Variants in DNER observed in about 807,000 individuals in gnomAD.
DNER encodes the protein delta/notch like EGF repeat containing.
In DNER, 33 loss-of-function variants were observed where a neutral mutation model predicts 78.2. The ratio of observed to expected loss-of-function variants is 0.42; its 90% CI spans 0.32 to 0.56. The LOEUF is 0.56. Among genes scored for constraint, DNER ranks in the 20% least tolerant of loss-of-function variants. The probability of loss-of-function intolerance (pLI) is 0.11; values close to 1 mark genes in which losing one functional copy is unlikely to be tolerated. For synonymous variants in DNER, 417 were observed against 384.8 expected (o/e 1.08, Z -0.98); for missense variants, 918 against 975.3 (o/e 0.94, Z 0.78).
At chr2:229,518,863 A>G (rs1008039194) in intron 5 of DNER, among the ~76,000 whole-genome samples, 1 of 152,114 alleles carries the variant, frequency 6.6e-6, no homozygotes, top group Non-Finnish European at 1.5e-5. Context: ...ACTCTTACCC[A>G]AGAAAATTCA....
chr2:229,396,054 A>G (rs1323059335), intron 10 of DNER, among the ~76,000 whole-genome samples: 1 of 152,178 alleles, frequency 6.6e-6, no homozygotes, highest in African/African-American at 2.4e-5. Flanking sequence ...TTCACCTAAG[A>G]GTCATGTCTT....
chr2:229,388,923 C>G (rs1692959467), intron 10 of DNER, among the ~76,000 whole-genome samples: 1 of 152,036 alleles, frequency 6.6e-6, no homozygotes. Context: ...GGACATTTGA[C>G]TCTTCTCTGG....
Position 229,447,347 on chromosome 2 carries a change from C to G in DNER, c.1455G>C (p.Val485=), listed in dbSNP as rs773330572. 6.2e-7 allele frequency: 1 copy of G among 1,608,114 alleles called. No homozygotes were observed. The highest frequency in any genetic ancestry group is 2.2e-5 in the East Asian group (1 of 44,678). ...SPCAHGTCRS[V]GTSYKCLCDP... ...CACAGAGGCATTTGTAGCTGGTGCC[C>G]ACGCTGCGGCACGTGCCATGAGCAC... Residue 485 remains valine, a synonymous_variant, in exon 8 of 13, where the codon GTG becomes GTC. Transcript: ENST00000341772.
intron 8 of DNER, among the ~76,000 whole-genome samples, chr2:229,421,335 C>T (rs572653974): frequency 6.6e-6 from 1 of 152,036 alleles, no homozygotes; most frequent in Admixed American, 6.6e-5. Flanking sequence ...GAATAAGTTC[C>T]AGATATCTGC....
chr2:229,679,127 G>C (rs112267006), intron 1 of DNER, among the ~76,000 whole-genome samples: 2,414 of 152,238 alleles, frequency 0.016, 54 homozygotes, highest in Middle Eastern at 0.058. Flanking sequence ...ACACACCAGG[G>C]ACTAGGACCA....
chr2:229,482,750 T>A (rs965732773), intron 6 of DNER, among the ~76,000 whole-genome samples: 14 of 151,806 alleles, frequency 9.2e-5, no homozygotes, highest in African/African-American at 3.4e-4. Flanking sequence ...CTTTTGGGAG[T>A]GGAAAGGAGA....
At chr2:229,437,339 G>A (rs1694143296) in intron 8 of DNER, among the ~76,000 whole-genome samples, 1 of 152,232 alleles carries the variant, frequency 6.6e-6, no homozygotes, top group Non-Finnish European at 1.5e-5. Context: ...AACTGAAGCT[G>A]TTCTGTAAAA....
chr2:229,464,292 T>A (rs927202415), intron 7 of DNER, among the ~76,000 whole-genome samples: 1 of 152,204 alleles, frequency 6.6e-6, no homozygotes, highest in African/African-American at 2.4e-5. Context: ...CCAATAGGAT[T>A]GCATTTTAAA....
chr2:229,677,445 T>G (rs1699316064), intron 1 of DNER, among the ~76,000 whole-genome samples: 1 of 152,190 alleles, frequency 6.6e-6, no homozygotes. Context: ...AAATCCCTGT[T>G]TTGACTCTCA....
chr2:229,638,501 G>A (rs140712990), intron 1 of DNER, among the ~76,000 whole-genome samples: 14 of 152,242 alleles, frequency 9.2e-5, no homozygotes, highest in East Asian at 3.9e-4. Context: ...CTGAATACCC[G>A]TATGAAAAAC....
chr2:229,562,291 A>G (rs1189708443), intron 4 of DNER, among the ~76,000 whole-genome samples: 1 of 152,088 alleles, frequency 6.6e-6, no homozygotes, highest in Non-Finnish European at 1.5e-5. Flanking sequence ...TACTAACTCC[A>G]TCACATCCCC....
chr2:229,558,073 T>C (rs986104053), intron 4 of DNER, among the ~76,000 whole-genome samples: 6 of 152,218 alleles, frequency 3.9e-5, no homozygotes, highest in Non-Finnish European at 8.8e-5. Context: ...TCATGTCCTT[T>C]GCAGGGACAT....
chr2:229,502,109 C>A (rs547646452), intron 6 of DNER, among the ~76,000 whole-genome samples: 1 of 152,136 alleles, frequency 6.6e-6, no homozygotes, highest in African/African-American at 2.4e-5. Flanking sequence ...TGACCAATGG[C>A]CTGGCCATAT....
rs1697540865 is a variant in DNER, at chr2:229,588,465, C to G, written c.609G>C (p.Gly203=). 1 of 1,611,772 alleles carries G rather than the reference C, an allele frequency of 6.2e-7. No homozygotes were observed. Among genetic ancestry groups the G allele is most frequent in the Non-Finnish European group, 8.5e-7 (1 of 1,179,646 alleles). ...QVEVIPDIAC[G]NASSNSSAGG... is the part of the protein sequence containing the mutation. ...CCGCAGAGCTGTTAGAACTGGCATT[C>G]CCACAGGCAATATCTGGGATCACCT... The change falls in exon 3 of 13, where the codon GGG becomes GGC. Residue 203 remains glycine, a synonymous_variant. Transcript: ENST00000341772.
chr2:229,445,973 A>C (rs960077591), intron 8 of DNER, among the ~76,000 whole-genome samples: 2 of 152,234 alleles, frequency 1.3e-5, no homozygotes, highest in Admixed American at 6.5e-5. Context: ...TCAAGTGCCA[A>C]ATTGCATTTC....
chr2:229,668,154 G>A (rs1012942488), intron 1 of DNER, among the ~76,000 whole-genome samples: 10 of 152,092 alleles, frequency 6.6e-5, no homozygotes, highest in Non-Finnish European at 1.2e-4. Context: ...GACAGGAAGC[G>A]CTGACCACCA....
chr2:229,654,236 T>C (rs369048089), intron 1 of DNER, among the ~76,000 whole-genome samples: 4 of 152,142 alleles, frequency 2.6e-5, no homozygotes, highest in African/African-American at 4.8e-5. Context: ...GTCCTTGCGA[T>C]AGTTTGCTCA....
At chr2:229,554,930 GAGA>G (rs1574900308) in intron 4 of DNER, among the ~76,000 whole-genome samples, 102 of 62,716 alleles carry the variant, frequency 1.6e-3, no homozygotes, top group Admixed American at 3.6e-3. Context: ...GAGAAGAGAA[GAGA>G]AGAGAGAAAA....
At chr2:229,454,230 G>A (rs558928103) in intron 7 of DNER, among the ~76,000 whole-genome samples, 6 of 152,296 alleles carry the variant, frequency 3.9e-5, no homozygotes, top group African/African-American at 1.4e-4. Flanking sequence ...ACTACATTTT[G>A]GGGGTGGTTT....
Sources: gnomAD v4.1 joint callset for allele counts (sites outside exome capture counted in the v4.1 genomes callset) on GRCh38, gnomAD v4.1.1 for gene constraint, MANE v1.5 for transcripts, NCBI Gene and HGNC (gene_info 2026-07-23, HGNC 2026-07-21) for gene names.